The following CLEC4A variants were observed in gnomAD, a reference collection of about 807,000 sequenced individuals.
CLEC4A encodes C-type (calcium dependent, carbohydrate-recognition domain) lectin, superfamily member 6.
A neutral mutation model predicts 32.7 loss-of-function variants in CLEC4A; 27 were observed. That is an observed-to-expected ratio of 0.83 (90% CI 0.61 to 1.14). CLEC4A has a LOEUF of 1.14. CLEC4A is among the 50% of genes most tolerant of loss of function. CLEC4A has a pLI of 0.00. For synonymous variants in CLEC4A, 89 were observed against 93.7 expected (o/e 0.95, Z 0.29); for missense variants, 253 against 274.6 (o/e 0.92, Z 0.55).
At chr12:8,118,163 T>G in the CLEC4A span, among the ~76,000 whole-genome samples, 1 of 152,156 alleles carries the variant, frequency 6.6e-6, no homozygotes, top group African/African-American at 2.4e-5. Context: ...ATTTTACATG[T>G]GAAAAGTGGG....
At chr12:8,110,291 T>G in the CLEC4A span, among the ~76,000 whole-genome samples, 1 of 152,062 alleles carries the variant, frequency 6.6e-6, no homozygotes, top group Non-Finnish European at 1.5e-5. Context: ...CACAGAGGCA[T>G]AGAGAGGTTA....
chr12:8,134,670 G>A, intron 3 of CLEC4A: 4 of 1,585,170 alleles, frequency 2.5e-6, no homozygotes, highest in Non-Finnish European at 3.4e-6. Flanking sequence ...GGGACATGGG[G>A]GAATCCCCCA....
chr12:8,135,123 C>T (rs1591612235), intron 3 of CLEC4A, among the ~76,000 whole-genome samples: 1 of 112,740 alleles, frequency 8.9e-6, no homozygotes, highest in African/African-American at 3.4e-5. Flanking sequence ...TGGGATCAAG[C>T]GATTCTTCTG....
the CLEC4A span, among the ~76,000 whole-genome samples, chr12:8,111,914 AGTGTGTATATGTGTGTGTGTGTGT>A: frequency 8.5e-6 from 1 of 117,538 alleles, no homozygotes; most frequent in Non-Finnish European, 1.9e-5. Flanking sequence ...TTGTTATGTG[AGTGTGTATATGTGTGTGTGTGTGT>A]GTGTGTGTGT....
chr12:8,110,663 C>T, the CLEC4A span, among the ~76,000 whole-genome samples: 1 of 152,144 alleles, frequency 6.6e-6, no homozygotes. Flanking sequence ...TATTTATTTA[C>T]ATGCTTCTCT....
At chr12:8,105,394 G>A in the CLEC4A span, among the ~76,000 whole-genome samples, 1 of 150,622 alleles carries the variant, frequency 6.6e-6, no homozygotes, top group Non-Finnish European at 1.5e-5. Flanking sequence ...TTGTCACCCA[G>A]GCTGGAGTGC....
intron 3 of CLEC4A, among the ~76,000 whole-genome samples, chr12:8,133,088 T>C (rs752548417): frequency 3.8e-4 from 58 of 152,296 alleles, no homozygotes; most frequent in Middle Eastern, 3.4e-3. Context: ...CTAATTTTTG[T>C]ATTTTTAGTA....
chr12:8,118,669 AC>A (rs1565651366), upstream of CLEC4A, among the ~76,000 whole-genome samples: 1 of 152,030 alleles, frequency 6.6e-6, no homozygotes, highest in Non-Finnish European at 1.5e-5. Flanking sequence ...GGGGAAATCT[AC>A]CCCCATGATC....
chr12:8,118,827 T>C (rs1024733621), upstream of CLEC4A, among the ~76,000 whole-genome samples: 2 of 152,046 alleles, frequency 1.3e-5, no homozygotes, highest in African/African-American at 2.4e-5. Flanking sequence ...CTTTTAGAGG[T>C]GGTTAGGCCA....
the CLEC4A span, among the ~76,000 whole-genome samples, chr12:8,109,198 A>G: frequency 6.6e-6 from 1 of 152,226 alleles, no homozygotes; most frequent in South Asian, 2.1e-4. Flanking sequence ...TAACTGATCC[A>G]AAGTTTGTTG....
At chr12:8,114,907 G>A in the CLEC4A span, among the ~76,000 whole-genome samples, 3 of 152,120 alleles carry the variant, frequency 2.0e-5, no homozygotes, top group Non-Finnish European at 4.4e-5. Flanking sequence ...ATTCACTGAG[G>A]ACCCAATAGC....
the CLEC4A span, among the ~76,000 whole-genome samples, chr12:8,103,404 T>TTTTTTTTTTG: frequency 9.0e-6 from 1 of 110,968 alleles, no homozygotes; most frequent in Admixed American, 9.9e-5. Flanking sequence ...TTTTTTTTTT[T>TTTTTTTTTTG]TAGACGGAGT....
intron 2 of CLEC4A, among the ~76,000 whole-genome samples, chr12:8,127,353 C>T (rs1351978007): frequency 2.6e-5 from 4 of 152,226 alleles, no homozygotes; most frequent in African/African-American, 9.6e-5. Context: ...CGCAGAGTTG[C>T]TCCTGCACAT....
intron 5 of CLEC4A, among the ~76,000 whole-genome samples, chr12:8,137,810 C>T (rs1176821398): frequency 6.6e-6 from 1 of 152,042 alleles, no homozygotes; most frequent in Non-Finnish European, 1.5e-5. Flanking sequence ...AGGGTAAAAT[C>T]TTTTCATCAT....
upstream of CLEC4A, among the ~76,000 whole-genome samples, chr12:8,119,436 C>A (rs577180580): frequency 4.9e-4 from 74 of 152,292 alleles, no homozygotes; most frequent in Non-Finnish European, 7.9e-4. Context: ...GTTGGTCAGG[C>A]TGGTCTCGAT....
intron 3 of CLEC4A, 134 bp from the exon 4 acceptor site, chr12:8,135,451 C>A (rs781300017): frequency 2.5e-6 from 2 of 807,352 alleles, no homozygotes; most frequent in East Asian, 2.7e-5. Context: ...GGGGCAGGGG[C>A]TCCTGGTTGC....
At chr12:8,118,196 C>T in the CLEC4A span, among the ~76,000 whole-genome samples, 1 of 152,138 alleles carries the variant, frequency 6.6e-6, no homozygotes, top group Non-Finnish European at 1.5e-5. Flanking sequence ...GTCATTTATG[C>T]ATTCATCTGG....
upstream of CLEC4A, among the ~76,000 whole-genome samples, chr12:8,119,064 G>A (rs1222408999): frequency 2.6e-5 from 4 of 152,158 alleles, no homozygotes; most frequent in African/African-American, 7.2e-5. Context: ...CCAGTCTCAG[G>A]TATTTTGTTG....
chr12:8,104,139 A>G, the CLEC4A span, among the ~76,000 whole-genome samples: 1 of 148,540 alleles, frequency 6.7e-6, no homozygotes, highest in Non-Finnish European at 1.5e-5. Flanking sequence ...TATTCCTTAT[A>G]TGCTTTGCCA....
Sources: gnomAD v4.1 joint callset for allele counts (sites outside exome capture counted in the v4.1 genomes callset) on GRCh38, gnomAD v4.1.1 for gene constraint, MANE v1.5 for transcripts, NCBI Gene and HGNC (gene_info 2026-07-23, HGNC 2026-07-21) for gene names.